Variants in KIF26B observed in about 807,000 individuals in gnomAD.
KIF26B encodes kinesin-like protein KIF26B.
KIF26B carries 63 observed loss-of-function variants against 151.2 expected under a neutral mutation model. That is an observed-to-expected ratio of 0.42 (90% CI 0.34 to 0.51). The LOEUF (loss-of-function observed/expected upper bound fraction) is 0.51, where lower values mean the gene tolerates loss of function less well. Among genes scored for constraint, KIF26B ranks in the 20% least tolerant of loss-of-function variants. The pLI, the probability that KIF26B is intolerant of heterozygous loss-of-function variation, is 0.07. For synonymous variants in KIF26B, 1,357 were observed against 1,262.1 expected, an observed-to-expected ratio of 1.08 and a Z score of -1.59; for missense variants, 2,813 against 2,913.6, an observed-to-expected ratio of 0.97 and a Z score of 0.79.
At chr1:245,394,706 T>C (rs1192100448) in intron 3 of KIF26B, among the ~76,000 whole-genome samples, 2 of 147,932 alleles carry the variant, frequency 1.4e-5, no homozygotes, top group African/African-American at 5.1e-5. Context: ...TTTTTTTTTT[T>C]TGAGATGGAG....
intron 3 of KIF26B, among the ~76,000 whole-genome samples, chr1:245,408,726 G>C (rs1467453864): frequency 6.6e-6 from 1 of 152,074 alleles, no homozygotes; most frequent in African/African-American, 2.4e-5. Context: ...GGCTCTACTT[G>C]AGCCGTACAT....
Position 245,688,753 on chromosome 1 carries a change from T to A in KIF26B, c.5770T>A (p.Ser1924Thr). 4 of 1,601,408 alleles carry A rather than the reference T, an allele frequency of 2.5e-6. No homozygotes were observed. Among genetic ancestry groups the A allele is most frequent in the Non-Finnish European group, 3.4e-6 (4 of 1,172,402 alleles). The change falls in exon 12 of 15, where the codon TCC becomes ACC. Residue 1924 changes from serine (S) to threonine (T), a missense_variant. Physicochemically the swap from Ser to Thr is moderately conservative, Grantham distance 58. Transcript: ENST00000407071. Reference protein sequence around the residue: ...AQDSTSENSSSVGGRCRSLKT... With the variant: ...AQDSTSENSSTVGGRCRSLKT... Reference sequence around the variant, plus strand: ...GGACTCCACGAGCGAGAACAGCAGCTCCGTGGGCGGCAGGTGCCGGAGCCT... The same window carrying A: ...GGACTCCACGAGCGAGAACAGCAGCACCGTGGGCGGCAGGTGCCGGAGCCT...
At position 245,247,372 on chromosome 1, in the gene KIF26B, C is replaced by T. The variant is rs75913282; in HGVS notation, c.465+90689C>T. Among the ~76,000 whole-genome samples, 46 of 151,786 alleles carry T rather than the reference C, an allele frequency of 3.0e-4. No homozygotes were observed. The East Asian group carries it at 7.9e-3, about 26-fold the overall frequency. Reference sequence around the variant, plus strand: ...ACTCGGGAGGCTGAGGCAGGAGAATCGCTTGAACCTGGGCAGGGAAGGTGG... The same window carrying T: ...ACTCGGGAGGCTGAGGCAGGAGAATTGCTTGAACCTGGGCAGGGAAGGTGG... On this transcript the variant is annotated intron_variant, in intron 2 of 14. Coordinates refer to ENST00000407071, the MANE Select transcript of KIF26B (RefSeq NM_018012.4).
In KIF26B at chr1:245,655,396, CTTTGAAAGTACGCATCTTTTCT is replaced by C. The variant is rs555268133; in HGVS notation, c.2258+9122_2258+9143del. ...ATCCTGTCTTCTGTGCATTCCTTGA[CTTTGAAAGTACGCATCTTTTCT>C]TTTGACCAAGTAGATAATTACCGTC... On this transcript the variant is annotated intron_variant, in intron 10 of 14. Coordinates refer to ENST00000407071, the MANE Select transcript of KIF26B (RefSeq NM_018012.4). Among the ~76,000 whole-genome samples, 273 of 152,346 alleles carry C rather than the reference CTTTGAAAGTACGCATCTTTTCT, an allele frequency of 1.8e-3. 1 individual carries two copies. The highest frequency in any genetic ancestry group is 6.3e-3 in the African/African-American group (260 of 41,582).
intron 2 of KIF26B, among the ~76,000 whole-genome samples, chr1:245,161,014 G>A (rs374088686): frequency 4.6e-5 from 7 of 152,264 alleles, no homozygotes; most frequent in East Asian, 1.9e-4. Flanking sequence ...ATTGCATTTC[G>A]AGTACTTATT....
intron 4 of KIF26B, among the ~76,000 whole-genome samples, chr1:245,539,799 T>A (rs558139180): frequency 2.0e-5 from 3 of 152,070 alleles, no homozygotes; most frequent in African/African-American, 7.2e-5. Context: ...ATTACAGGCA[T>A]GCACCACCAC....
At chr1:245,453,428 AT>A (rs1238334847) in intron 4 of KIF26B, among the ~76,000 whole-genome samples, 21 of 151,968 alleles carry the variant, frequency 1.4e-4, no homozygotes, top group African/African-American at 5.1e-4. Context: ...AAGATTATTG[AT>A]TTTGGTTCCT....
At chr1:245,658,867 T>C (rs866096870) in intron 10 of KIF26B, among the ~76,000 whole-genome samples, 4 of 152,140 alleles carry the variant, frequency 2.6e-5, no homozygotes, top group African/African-American at 7.2e-5. Context: ...ATTAAAATGG[T>C]ATTTTAATGT....
At chr1:245,661,149 G>A (rs914071353) in intron 10 of KIF26B, among the ~76,000 whole-genome samples, 2 of 151,976 alleles carry the variant, frequency 1.3e-5, no homozygotes, top group African/African-American at 4.8e-5. Context: ...ACCATGCCCA[G>A]CTAATTTTTG....
At chr1:245,679,457 G>GTTTTTTTT (rs35663208) in intron 10 of KIF26B, among the ~76,000 whole-genome samples, 14 of 59,204 alleles carry the variant, frequency 2.4e-4, no homozygotes, top group Admixed American at 7.6e-4. Flanking sequence ...TTTTGTGTGT[G>GTTTTTTTT]TTTTTTTTTT....
rs1558232507 is a variant in KIF26B, at chr1:245,602,766, C to T, written c.1540C>T (p.Pro514Ser). 6.2e-7 allele frequency: 1 copy of T among 1,613,662 alleles called. No homozygotes were observed. Among genetic ancestry groups the T allele is most frequent in the East Asian group, 2.2e-5 (1 of 44,890 alleles). ...GATGTTTGCCTTCGATGCAGTTTTT[C>T]CACAAGACGCTTCTCAGGTGGGTAT... ...PKMFAFDAVF[P>S]QDASQAEVCA... Residue 514 changes from proline (P) to serine (S), a missense_variant, in exon 6 of 15, where the codon CCA becomes TCA. This residue lies in a region of KIF26B where 676 missense variants were observed against 688.1 expected (regional missense o/e 0.98). Coordinates refer to ENST00000407071, the MANE Select transcript of KIF26B (RefSeq NM_018012.4). This position sits in a 1 kb window ranked among gnomAD's most constrained non-coding sequence, Gnocchi z 4.5.
At chr1:245,614,599 G>A (rs1463700039) in intron 9 of KIF26B, among the ~76,000 whole-genome samples, 1 of 152,230 alleles carries the variant, frequency 6.6e-6, no homozygotes, top group Non-Finnish European at 1.5e-5. Context: ...CTGAAAATCA[G>A]CCCTGAGCTG....
intron 9 of KIF26B, among the ~76,000 whole-genome samples, chr1:245,613,767 G>A (rs923902148): frequency 1.3e-5 from 2 of 152,088 alleles, no homozygotes; most frequent in African/African-American, 2.4e-5. Flanking sequence ...CCCCCACCTC[G>A]GTGCCTCTCT....
intron 3 of KIF26B, among the ~76,000 whole-genome samples, chr1:245,380,945 C>A: frequency 7.3e-6 from 1 of 136,254 alleles, no homozygotes; most frequent in South Asian, 2.2e-4. Flanking sequence ...CACTGATGGG[C>A]CAAAAAGATG....
At chr1:245,213,792 T>C (rs1436763728) in intron 2 of KIF26B, among the ~76,000 whole-genome samples, 1 of 152,186 alleles carries the variant, frequency 6.6e-6, no homozygotes, top group African/African-American at 2.4e-5. Context: ...GCCCCAACTT[T>C]AAGTTCCACT....
intron 4 of KIF26B, among the ~76,000 whole-genome samples, chr1:245,533,197 C>T (rs1236859672): frequency 1.3e-5 from 2 of 152,118 alleles, no homozygotes; most frequent in Non-Finnish European, 2.9e-5. Flanking sequence ...GGCACGTGAG[C>T]CATGGCAGCC....
intron 4 of KIF26B, among the ~76,000 whole-genome samples, chr1:245,489,533 T>C (rs1046312291): frequency 1.3e-5 from 2 of 152,242 alleles, no homozygotes; most frequent in African/African-American, 4.8e-5. Flanking sequence ...CATTCAGATA[T>C]AGTACATTTT....
rs112848389 is a variant in KIF26B at position 245,369,168 on chromosome 1, TGA to T, written c.999+1830_999+1831del. Reference sequence around the variant, plus strand: ...ACTCTGAATTGGGAAAAAAGAAGAGTGAGAGAGAGAGAGAGAGAGAGAGAGAG... The same window carrying T: ...ACTCTGAATTGGGAAAAAAGAAGAGTGAGAGAGAGAGAGAGAGAGAGAGAG... On this transcript the variant is annotated intron_variant, in intron 3 of 14. Transcript: ENST00000407071. Among the ~76,000 whole-genome samples the T allele has an allele frequency of 7.9e-3, 1,065 of 134,958 alleles. 4 individuals are homozygous for T. The highest frequency in any genetic ancestry group is 0.015 in the African/African-American group (596 of 38,706). 88.5% of individuals were successfully genotyped at this position (134,958 alleles called of 152,430 possible). A position where few individuals can be genotyped will look rare whatever the true frequency, so the allele number is the denominator to read the frequency against.
At chr1:245,357,789 A>C (rs1479115088) in intron 2 of KIF26B, among the ~76,000 whole-genome samples, 1 of 152,134 alleles carries the variant, frequency 6.6e-6, no homozygotes, top group Non-Finnish European at 1.5e-5. Flanking sequence ...GGGGGAAGTG[A>C]GGGACGTGTG....
Sources: gnomAD v4.1 joint callset for allele counts (sites outside exome capture counted in the v4.1 genomes callset) on GRCh38, gnomAD v4.1.1 for gene constraint, gnomAD v4.1.1 regional missense constraint, Gnocchi (gnomAD v3.1) non-coding constraint, MANE v1.5 for transcripts, NCBI Gene and HGNC (gene_info 2026-07-23, HGNC 2026-07-21) for gene names.